TRPS1: variants seen among roughly 807,000 people sequenced by gnomAD.
TRPS1 encodes transcriptional repressor GATA binding 1, also known as zinc finger transcription factor Trps1.
Under a neutral mutation model 101.2 loss-of-function variants are expected in TRPS1, and 6 were observed. The ratio of observed to expected loss-of-function variants is 0.06; its 90% CI spans 0.03 to 0.12. TRPS1 has a LOEUF of 0.12. TRPS1 is among the 10% of genes least tolerant of loss of function. The pLI, the probability that TRPS1 is intolerant of heterozygous loss-of-function variation, is 1.00. For synonymous variants in TRPS1, 578 were observed against 589.8 expected, an observed-to-expected ratio of 0.98 and a Z score of 0.29; for missense variants, 1,363 against 1,567.0, an observed-to-expected ratio of 0.87 and a Z score of 2.20.
chr8:115,448,121 A>G (rs1813782141), intron 5 of TRPS1, among the ~76,000 whole-genome samples: 1 of 152,188 alleles, frequency 6.6e-6, no homozygotes, highest in South Asian at 2.1e-4. Flanking sequence ...AAACTAAACA[A>G]CAACAACAAC....
chr8:115,530,691 C>T (rs1311589938), intron 5 of TRPS1, among the ~76,000 whole-genome samples: 1 of 152,116 alleles, frequency 6.6e-6, no homozygotes, highest in African/African-American at 2.4e-5. Context: ...AAATGCCCAT[C>T]AATGACAGAC....
chr8:115,501,215 A>G (rs1306307155), intron 5 of TRPS1, among the ~76,000 whole-genome samples: 1 of 152,194 alleles, frequency 6.6e-6, no homozygotes, highest in Admixed American at 6.5e-5. Flanking sequence ...TGTTTGGTTT[A>G]CTACGTATTC....
intron 5 of TRPS1, among the ~76,000 whole-genome samples, chr8:115,499,874 AG>A (rs780853893): frequency 6.3e-4 from 96 of 152,252 alleles, no homozygotes; most frequent in Non-Finnish European, 9.7e-4. Context: ...ATTGATTTGT[AG>A]TACTAGGTTA....
At chr8:115,624,139 C>T (rs566172327) in intron 1 of TRPS1, among the ~76,000 whole-genome samples, 5 of 90,674 alleles carry the variant, frequency 5.5e-5, no homozygotes, top group Admixed American at 1.3e-4. Context: ...AATTAAAATA[C>T]GTAATCACAA....
intron 1 of TRPS1, among the ~76,000 whole-genome samples, chr8:115,647,702 A>G (rs1811449599): frequency 6.6e-6 from 1 of 152,194 alleles, no homozygotes; most frequent in Non-Finnish European, 1.5e-5. Flanking sequence ...GACTAACTTA[A>G]AGACTAATAA....
intron 5 of TRPS1, among the ~76,000 whole-genome samples, chr8:115,580,756 A>G (rs1028387495): frequency 3.9e-5 from 6 of 152,144 alleles, no homozygotes; most frequent in Non-Finnish European, 8.8e-5. Flanking sequence ...AGGTTACAAA[A>G]ACATTGTTGT....
At chr8:115,563,147 C>T (rs1367220098) in intron 5 of TRPS1, among the ~76,000 whole-genome samples, 2 of 152,032 alleles carry the variant, frequency 1.3e-5, no homozygotes, top group Non-Finnish European at 2.9e-5. Flanking sequence ...AAAGAAAAAA[C>T]GTCCCACCCA....
intron 1 of TRPS1, among the ~76,000 whole-genome samples, chr8:115,634,865 TAAAAAAAA>T (rs759918682): frequency 7.1e-6 from 1 of 141,082 alleles, no homozygotes; most frequent in East Asian, 2.0e-4. Flanking sequence ...CTTCTTAGGT[TAAAAAAAA>T]AAAAAAGATA....
chr8:115,592,479 A>T (rs1197146139), intron 4 of TRPS1, among the ~76,000 whole-genome samples: 1 of 152,222 alleles, frequency 6.6e-6, no homozygotes, highest in Non-Finnish European at 1.5e-5. Flanking sequence ...ACATTTAAGC[A>T]GTAAACTGTT....
At chr8:115,660,504 T>C (rs901693442) in intron 1 of TRPS1, among the ~76,000 whole-genome samples, 1 of 152,016 alleles carries the variant, frequency 6.6e-6, no homozygotes, top group East Asian at 1.9e-4. Context: ...GCAGATAATA[T>C]AAACATGTTT....
At chr8:115,614,310 A>T (rs1254356179) in intron 3 of TRPS1, among the ~76,000 whole-genome samples, 1 of 152,214 alleles carries the variant, frequency 6.6e-6, no homozygotes, top group Non-Finnish European at 1.5e-5. Flanking sequence ...CTGCATAGAG[A>T]AAAATACTGA....
chr8:115,415,034 A>G lies in TRPS1; in HGVS notation c.2874T>C (p.Ile958=). 1 of 1,589,896 alleles carries G rather than the reference A, an allele frequency of 6.3e-7. No homozygotes were observed. The highest frequency in any genetic ancestry group is 8.5e-7 in the Non-Finnish European group (1 of 1,172,856). Residue 958 remains isoleucine, a synonymous_variant, in exon 7 of 7, where the codon ATT becomes ATC. Coordinates refer to ENST00000395715, the MANE Select transcript of TRPS1 (RefSeq NM_014112.5). ...TAAGGCGCTTTCTTGTTCTCCTCCT[A>G]ATAATCTGCTCACCGTTGTTTTGTT... ...IIKQNNGEQI[I]RRRTRKRLNP... is the part of the protein sequence containing the mutation.
At chr8:115,630,657 T>C (rs1462569060) in intron 1 of TRPS1, among the ~76,000 whole-genome samples, 1 of 152,072 alleles carries the variant, frequency 6.6e-6, no homozygotes, top group East Asian at 1.9e-4. Context: ...TCTTATTATA[T>C]GAGCCAGGAA....
At chr8:115,647,723 A>T (rs777809594) in intron 1 of TRPS1, among the ~76,000 whole-genome samples, 20 of 152,188 alleles carry the variant, frequency 1.3e-4, no homozygotes, top group Non-Finnish European at 2.4e-4. Context: ...TATTTTCATT[A>T]ATAAAATCTA....
chr8:115,527,749 G>A (rs919911150), intron 5 of TRPS1, among the ~76,000 whole-genome samples: 3 of 151,970 alleles, frequency 2.0e-5, no homozygotes, highest in African/African-American at 7.2e-5. Context: ...CTCCCCAAAT[G>A]CTCAGGATAA....
chr8:115,661,557 CAA>C (rs1811795499), intron 1 of TRPS1: 2 of 151,924 alleles, frequency 1.3e-5, no homozygotes, highest in African/African-American at 4.8e-5. Context: ...TTACACAAAT[CAA>C]AAAGTGTTAC....
chr8:115,518,244 T>C (rs1410438732), intron 5 of TRPS1, among the ~76,000 whole-genome samples: 1 of 151,652 alleles, frequency 6.6e-6, no homozygotes, highest in East Asian at 1.9e-4. Flanking sequence ...CACACACCAA[T>C]AATGAGTTGT....
At chr8:115,498,411 CTCTCTATATATATATATATA>C (rs1317924847) in intron 5 of TRPS1, among the ~76,000 whole-genome samples, 253 of 72,658 alleles carry the variant, frequency 3.5e-3, no homozygotes, top group African/African-American at 0.021. Context: ...CTCTCTCTCT[CTCTCTATATATATATATATA>C]TATATATATA....
chr8:115,568,677 G>T (rs1359915581), intron 5 of TRPS1, among the ~76,000 whole-genome samples: 1 of 151,882 alleles, frequency 6.6e-6, no homozygotes, highest in African/African-American at 2.4e-5. Flanking sequence ...TAATTAACAG[G>T]ATCAAAATTT....
Sources: allele counts gnomAD v4.1 joint callset (sites outside exome capture counted in the v4.1 genomes callset), GRCh38; gene constraint gnomAD v4.1.1; transcripts MANE v1.5; gene names NCBI Gene and HGNC (gene_info 2026-07-23, HGNC 2026-07-21).